Variants in PRPF31 observed in about 807,000 individuals in gnomAD.
PRPF31 encodes the protein pre-mRNA processing factor 31.
In PRPF31, 12 loss-of-function variants were observed where a neutral mutation model predicts 60.4. That is an observed-to-expected ratio of 0.20 (90% CI 0.13 to 0.32). The LOEUF (loss-of-function observed/expected upper bound fraction) is 0.32, where lower values mean the gene tolerates loss of function less well. Ranked by LOEUF, PRPF31 falls within the 10% of genes least tolerant of loss-of-function variation. The pLI, the probability that PRPF31 is intolerant of heterozygous loss-of-function variation, is 1.00. For synonymous variants in PRPF31, 287 were observed against 287.9 expected, an observed-to-expected ratio of 1.00 and a Z score of 0.03; for missense variants, 431 against 687.1, an observed-to-expected ratio of 0.63 and a Z score of 4.17.
At chr19:54,124,166 G>A (rs2073863127) in intron 7 of PRPF31, 1 of 769,636 alleles carries the variant, frequency 1.3e-6, no homozygotes, top group Non-Finnish European at 2.0e-6. Context: ...AGGCCCTGTT[G>A]TCAGGGAGCT....
rs1042606902 is a variant in PRPF31, at chr19:54,119,652, A to G, written c.238+1019A>G. ...GCTGGGATTACAGGTATGCAACACC[A>G]TGCCTGGCTATTTTGTATTTTTTAG... On this transcript the variant is annotated intron_variant, in intron 3 of 13. Coordinates refer to ENST00000321030, the MANE Select transcript of PRPF31 (RefSeq NM_015629.4). 2.6e-5 allele frequency: 4 copies of G among 152,166 alleles called. No homozygotes were observed. The East Asian group carries it at 5.9e-4, about 22-fold the overall frequency. The allele number at this position is 152,166 out of a possible 1,614,324, so 9.4% of individuals were successfully genotyped here. A position where few individuals can be genotyped will look rare whatever the true frequency, so the allele number is the denominator to read the frequency against.
intron 3 of PRPF31, chr19:54,119,914 T>C (rs1233039472): frequency 6.6e-6 from 1 of 152,140 alleles, no homozygotes; most frequent in African/African-American, 2.4e-5. Flanking sequence ...TCTTTAACGT[T>C]TACCTGGGCA....
chr19:54,127,051 C>T (rs1285310827), intron 9 of PRPF31, among the ~76,000 whole-genome samples: 5 of 152,106 alleles, frequency 3.3e-5, no homozygotes, highest in Non-Finnish European at 5.9e-5. Context: ...ACCTGGGAGA[C>T]GGAGGTTGCA....
rs186797075 is a variant in PRPF31 at position 54,128,423 on chromosome 19, G to A, written c.1146+46G>A. The A allele has an allele frequency of 3.1e-4, 463 of 1,517,848 alleles. 3 individuals carry two copies. In the African/African-American group the frequency reaches 5.4e-3, roughly 18 times the overall value. 94.0% of individuals were successfully genotyped at this position (1,517,848 alleles called of 1,614,324 possible). On this transcript the variant is annotated intron_variant, in intron 11 of 13. Coordinates refer to ENST00000321030, the MANE Select transcript of PRPF31 (RefSeq NM_015629.4). The stretch of plus-strand genomic sequence containing the variant: ...TCCTCAACCCCACAGCCAGCCAGCC[G>A]CCACCGCCCTCTGCCTCCTGCCACC...
At chr19:54,122,080 C>A in intron 4 of PRPF31, 137 bp downstream of exon 4, 1 of 936,400 alleles carries the variant, frequency 1.1e-6, no homozygotes, top group Non-Finnish European at 1.7e-6. Flanking sequence ...CACAGAGTGG[C>A]TGAAATAAGA....
rs587632587 is a variant in PRPF31 at position 54,128,507 on chromosome 19, C to G, written c.1146+130C>G. 1.7e-4 allele frequency: 161 copies of G among 946,674 alleles called. 1 individual carries two copies. Among genetic ancestry groups the G allele is most frequent in the South Asian group, 1.5e-3 (103 of 69,986 alleles). The allele number at this position is 946,674 out of a possible 1,614,324, so 58.6% of individuals were successfully genotyped here. On this transcript the variant is annotated intron_variant, in intron 11 of 13. Transcript: ENST00000321030. ...TCTAGGGCGCTGCCCCAGCCTCCCC[C>G]CCCCCGGCCTCTATTCTCGTTTCCA...
At chr19:54,126,251 G>A (rs1052251335) in intron 8 of PRPF31, among the ~76,000 whole-genome samples, 7 of 152,164 alleles carry the variant, frequency 4.6e-5, no homozygotes, top group African/African-American at 1.7e-4. Flanking sequence ...CACTCCCCCC[G>A]GCGTCTCCAC....
intron 1 of PRPF31, among the ~76,000 whole-genome samples, chr19:54,117,899 A>G (rs2073689258): frequency 6.6e-6 from 1 of 152,166 alleles, no homozygotes; most frequent in Non-Finnish European, 1.5e-5. Flanking sequence ...CTAAGTAAGC[A>G]CATAGATAAG....
At chr19:54,130,498 G>A (rs912300925) in intron 13 of PRPF31, among the ~76,000 whole-genome samples, 6 of 152,152 alleles carry the variant, frequency 3.9e-5, no homozygotes, top group Admixed American at 6.5e-5. Flanking sequence ...GGTGGCGGGC[G>A]CCTGTAGTCC....
intron 13 of PRPF31, among the ~76,000 whole-genome samples, chr19:54,130,542 G>A (rs1397350192): frequency 2.0e-5 from 3 of 151,916 alleles, no homozygotes; most frequent in Non-Finnish European, 2.9e-5. Context: ...GGAGAATGGC[G>A]TGAACCCGGG....
intron 8 of PRPF31, 195 bp downstream of exon 8, chr19:54,124,851 G>C (rs776377023): frequency 1.6e-5 from 11 of 667,602 alleles, no homozygotes; most frequent in Middle Eastern, 4.0e-4. Context: ...GGTGACTGTG[G>C]GCAAGAGGCA....
intron 11 of PRPF31, 74 bp downstream of exon 11, chr19:54,128,451 C>T: frequency 1.4e-6 from 2 of 1,421,986 alleles, no homozygotes; most frequent in South Asian, 1.2e-5. Flanking sequence ...CTGCCACCGC[C>T]CCTCCTCTCG....
chr19:54,118,805 G>A (rs2073715909), intron 3 of PRPF31, 172 bp downstream of exon 3: 5 of 640,618 alleles, frequency 7.8e-6, no homozygotes, highest in Non-Finnish European at 1.1e-5. Flanking sequence ...ATATTGCATT[G>A]TAAAGCTCAT....
Position 54,122,122 on chromosome 19 carries a change from G to A in PRPF31, c.322+179G>A, listed in dbSNP as rs587763772. 23 of 727,362 alleles carry A rather than the reference G, an allele frequency of 3.2e-5. No homozygotes were observed. The African/African-American group carries it at 3.3e-4, about 10-fold the overall frequency. The allele number at this position is 727,362 out of a possible 1,614,324, so 45.1% of individuals were successfully genotyped here. ...TGCGTTCTCTCGCGTATGAGTCTGA[G>A]GAGCACTCGGGGATGGTGTGGCCGC... On this transcript the variant is annotated intron_variant, in intron 4 of 13. Coordinates refer to ENST00000321030, the MANE Select transcript of PRPF31 (RefSeq NM_015629.4).
At position 54,128,064 on chromosome 19, in the gene PRPF31, C is replaced by T. The variant is rs587693186; in HGVS notation, c.946-9C>T. The T allele has an allele frequency of 2.4e-5, 37 of 1,548,514 alleles. 1 individual carries two copies. The South Asian group carries it at 4.0e-4, about 17-fold the overall frequency. ...AGCAGCTGCAGGACCTCCCCCTCGC[C>T]CTCCCCAGGTGGGCTACGAACTGAA... On this transcript the variant is annotated splice_polypyrimidine_tract_variant and intron_variant, in intron 9 of 13. Coordinates refer to ENST00000321030, the MANE Select transcript of PRPF31 (RefSeq NM_015629.4).
intron 4 of PRPF31, 143 bp downstream of exon 4, chr19:54,122,086 TAAG>T: frequency 1.1e-6 from 1 of 901,024 alleles, no homozygotes. Flanking sequence ...GTGGCTGAAA[TAAG>T]AAGGAAGTGC....
At chr19:54,127,959 G>A in intron 9 of PRPF31, 114 bp from the exon 10 acceptor site, 1 of 1,414,776 alleles carries the variant, frequency 7.1e-7, no homozygotes, top group Non-Finnish European at 9.7e-7. Flanking sequence ...CGGTGAGGCA[G>A]CATTAGGTGC....
Position 54,131,703 on chromosome 19 carries a change from C to T in PRPF31, c.*271C>T. ...TTTGAAAAGAGTACAATTAAAAGGA[C>T]ATTGTCAAGATCTGTCCTTGGGGAG... is the stretch of plus-strand genomic sequence containing the variant. On this transcript the variant is annotated 3_prime_UTR_variant, in exon 14 of 14. Coordinates refer to ENST00000321030, the MANE Select transcript of PRPF31 (RefSeq NM_015629.4). 1.8e-6 allele frequency: 1 copy of T among 558,374 alleles called. No individual in the cohort carries two copies. The highest frequency in any genetic ancestry group is 2.0e-5 in the South Asian group (1 of 49,888). The allele number at this position is 558,374 out of a possible 1,614,324, so 34.6% of individuals were successfully genotyped here. A position where few individuals can be genotyped will look rare whatever the true frequency, so the allele number is the denominator to read the frequency against.
At position 54,126,545 on chromosome 19, in the gene PRPF31, G is replaced by T. The variant is rs139240954; in HGVS notation, c.873G>T (p.Ala291=). The change falls in exon 9 of 14, where the codon GCG becomes GCT. Residue 291 remains alanine, a synonymous_variant. Transcript: ENST00000321030. ...QSLPPDLRRK[A]ARLVAAKCTL... is the part of the protein sequence containing the mutation. ...TGCTCCAGGATCTGCGGCGGAAAGC[G>T]GCCCGGCTGGTGGCCGCCAAGTGCA... The T allele has an allele frequency of 6.2e-7, 1 of 1,613,078 alleles. No individual in the cohort carries two copies. The highest frequency in any genetic ancestry group is 1.1e-5 in the South Asian group (1 of 90,966).
Sources: allele counts gnomAD v4.1 joint callset (sites outside exome capture counted in the v4.1 genomes callset), GRCh38; gene constraint gnomAD v4.1.1; transcripts MANE v1.5; gene names NCBI Gene and HGNC (gene_info 2026-07-23, HGNC 2026-07-21).